The following CETN3 variants were observed in gnomAD, a reference collection of about 807,000 sequenced individuals.
CETN3 encodes the protein centrin 3.
In CETN3, 17 loss-of-function variants were observed where a neutral mutation model predicts 20.1. That is an observed-to-expected ratio of 0.85 (90% CI 0.58 to 1.27). The LOEUF is 1.27. Ranked by LOEUF, CETN3 falls within the 50% of genes most tolerant of loss-of-function variation. The probability of loss-of-function intolerance (pLI) is 0.00; values close to 1 mark genes in which losing one functional copy is unlikely to be tolerated. For missense variants in CETN3, 169 were observed against 191.2 expected (o/e 0.88, Z 0.69); for synonymous variants, 52 against 59.7 (o/e 0.87, Z 0.59).
At chr5:90,404,528 G>A (rs1474044374) in intron 3 of CETN3, among the ~76,000 whole-genome samples, 1 of 152,144 alleles carries the variant, frequency 6.6e-6, no homozygotes, top group Non-Finnish European at 1.5e-5. Flanking sequence ...GAGGAAAAAA[G>A]GAAAATGTCC....
In CETN3 at chr5:90,405,704, A is replaced by T; in HGVS notation, c.249T>A (p.Phe83Leu). The change falls in exon 3 of 5, where the codon TTT becomes TTA. Residue 83 changes from phenylalanine (F) to leucine (L), a missense_variant. Coordinates refer to ENST00000283122, the MANE Select transcript of CETN3 (RefSeq NM_004365.4). ...ACACACCAACTTCATTAAAATCTTCAAAGGTGATTTTCCCTGTGGCTTCTC... is the reference window on the plus strand; with the variant it reads ...ACACACCAACTTCATTAAAATCTTCTAAGGTGATTTTCCCTGTGGCTTCTC... ...YDREATGKIT[F>L]EDFNEVVTDW... The T allele has an allele frequency of 6.2e-7, 1 of 1,605,954 alleles. No homozygotes were observed.
intron 3 of CETN3, among the ~76,000 whole-genome samples, chr5:90,400,839 G>A (rs1749272057): frequency 6.6e-6 from 1 of 152,082 alleles, no homozygotes; most frequent in African/African-American, 2.4e-5. Flanking sequence ...ATTACTGTAA[G>A]TATGCAAATC....
Position 90,405,890 on chromosome 5 carries a change from CA to C in CETN3, c.154-92del, listed in dbSNP as rs1479567095. The C allele has an allele frequency of 9.0e-5, 68 of 753,030 alleles. 3 individuals carry two copies. In the South Asian group the frequency reaches 1.1e-3, roughly 12 times the overall value. 46.6% of individuals were successfully genotyped at this position (753,030 alleles called of 1,614,324 possible). ...GTTTTTACATCTTAAGAGATGACAA[CA>C]CATTAATAAAATATAACTTTTTTGC... On this transcript the variant is annotated intron_variant, in intron 2 of 4. Coordinates refer to ENST00000283122, the MANE Select transcript of CETN3 (RefSeq NM_004365.4).
chr5:90,397,728 T>C (rs78816501), intron 4 of CETN3, among the ~76,000 whole-genome samples: 102 of 152,228 alleles, frequency 6.7e-4, no homozygotes, highest in African/African-American at 2.4e-3. Context: ...TTCTTTGCCA[T>C]TTTGGAGATT....
At chr5:90,404,668 G>T (rs183370925) in intron 3 of CETN3, among the ~76,000 whole-genome samples, 1 of 151,720 alleles carries the variant, frequency 6.6e-6, no homozygotes, top group Non-Finnish European at 1.5e-5. Context: ...TTGAGCTTTT[G>T]GATTTAAAAA....
chr5:90,398,253 C>T (rs891306508), intron 4 of CETN3, among the ~76,000 whole-genome samples: 2 of 151,990 alleles, frequency 1.3e-5, no homozygotes, highest in African/African-American at 4.8e-5. Flanking sequence ...CTAAAGTCCA[C>T]AAAAAAGACA....
chr5:90,406,199 C>T (rs1749434331), intron 2 of CETN3, among the ~76,000 whole-genome samples: 1 of 152,044 alleles, frequency 6.6e-6, no homozygotes, highest in Non-Finnish European at 1.5e-5. Flanking sequence ...GAATTATCAT[C>T]AGTCTTTCCA....
chr5:90,405,773 A>T lies in CETN3; in HGVS notation c.180T>A (p.Asp60Glu), dbSNP rs1440482974. ...LKVAMRALGFDVKKADVLKIL... is the reference protein window; with the variant it reads ...LKVAMRALGFEVKKADVLKIL... Reference sequence around the variant, plus strand: ...TCTTCAGTACATCAGCTTTTTTTACATCAAACCCCAAGGCTCTCATTGCCA... The same window carrying T: ...TCTTCAGTACATCAGCTTTTTTTACTTCAAACCCCAAGGCTCTCATTGCCA... The change falls in exon 3 of 5, where the codon GAT (aspartate) becomes GAA (glutamate). Residue 60 changes from aspartate (D) to glutamate (E), a missense_variant. Physicochemically the swap from Asp to Glu is conservative, Grantham distance 45 (BLOSUM62 2). Transcript: ENST00000283122. 1 of 1,611,638 alleles carries T rather than the reference A, an allele frequency of 6.2e-7. No individual in the cohort carries two copies.
At chr5:90,397,610 T>TGC (rs1749165350) in intron 4 of CETN3, among the ~76,000 whole-genome samples, 1 of 152,174 alleles carries the variant, frequency 6.6e-6, no homozygotes, top group African/African-American at 2.4e-5. Flanking sequence ...GCTAATACAC[T>TGC]GCTTCCTATA....
intron 3 of CETN3, chr5:90,405,331 A>G: frequency 3.9e-6 from 1 of 257,072 alleles, no homozygotes; most frequent in Non-Finnish European, 7.2e-6. Flanking sequence ...AAACAGCAGG[A>G]TATCAAATTT....
intron 4 of CETN3, chr5:90,396,379 C>A (rs1200852111): frequency 1.4e-6 from 2 of 1,394,562 alleles, no homozygotes; most frequent in Non-Finnish European, 1.9e-6. Flanking sequence ...GATCTTTAAC[C>A]TTTGCAGTTA....
At chr5:90,396,402 T>G in intron 4 of CETN3, 1 of 1,447,366 alleles carries the variant, frequency 6.9e-7, no homozygotes, top group Non-Finnish European at 9.1e-7. Context: ...TAGCCATGTC[T>G]GAATATCTTA....
chr5:90,392,774 G>C lies in CETN3; in HGVS notation c.*1290C>G, dbSNP rs1008592627. Reference sequence around the variant, plus strand: ...AATATGCAGTCTTGGGTATTTCTTCGTAGCAATACAAGAATGACTTAATAT... The same window carrying C: ...AATATGCAGTCTTGGGTATTTCTTCCTAGCAATACAAGAATGACTTAATAT... On this transcript the variant is annotated 3_prime_UTR_variant, in exon 5 of 5. Transcript: ENST00000283122. The C allele has an allele frequency of 1.3e-5, 2 of 152,018 alleles. No homozygotes were observed. The highest frequency in any genetic ancestry group is 4.8e-5 in the African/African-American group (2 of 41,380). The allele number at this position is 152,018 out of a possible 1,614,324, so 9.4% of individuals were successfully genotyped here. A position where few individuals can be genotyped will look rare whatever the true frequency, so the allele number is the denominator to read the frequency against.
At chr5:90,407,939 G>T in intron 1 of CETN3, 105 bp from the exon 2 acceptor site, 1 of 925,686 alleles carries the variant, frequency 1.1e-6, no homozygotes, top group Non-Finnish European at 1.5e-6. Context: ...GTACTTTGGA[G>T]AAAGATAGGG....
At chr5:90,395,142 T>A (rs990350283) in intron 4 of CETN3, among the ~76,000 whole-genome samples, 3 of 152,184 alleles carry the variant, frequency 2.0e-5, no homozygotes, top group Non-Finnish European at 4.4e-5. Flanking sequence ...ATGTTTTAGA[T>A]TGTTTAACTC....
chr5:90,406,443 A>C (rs997630299), intron 2 of CETN3, among the ~76,000 whole-genome samples: 6 of 151,602 alleles, frequency 4.0e-5, no homozygotes, highest in Non-Finnish European at 7.4e-5. Flanking sequence ...TGAACAGAGC[A>C]GTTTACCTCA....
At chr5:90,404,554 C>T (rs777388109) in intron 3 of CETN3, among the ~76,000 whole-genome samples, 12 of 152,140 alleles carry the variant, frequency 7.9e-5, no homozygotes, top group Non-Finnish European at 1.2e-4. Context: ...GGACAAGTTG[C>T]CTCTCTAAAC....
At chr5:90,399,587 A>G in intron 3 of CETN3, 38 bp from the exon 4 acceptor site, 4 of 1,500,616 alleles carry the variant, frequency 2.7e-6, no homozygotes, top group Admixed American at 1.7e-5. Context: ...ATAAACCTGC[A>G]TAATCACAAA....
chr5:90,404,652 T>C (rs1266732147), intron 3 of CETN3, among the ~76,000 whole-genome samples: 1 of 152,194 alleles, frequency 6.6e-6, no homozygotes, highest in Non-Finnish European at 1.5e-5. Context: ...CTCAACTGCT[T>C]ATGACTTGAG....
Sources: gnomAD v4.1 joint callset for allele counts (sites outside exome capture counted in the v4.1 genomes callset) on GRCh38, gnomAD v4.1.1 for gene constraint, MANE v1.5 for transcripts, NCBI Gene and HGNC (gene_info 2026-07-23, HGNC 2026-07-21) for gene names.